Variants in PLCE1 observed in about 807,000 individuals in gnomAD.
PLCE1 encodes 1-phosphatidylinositol 4,5-bisphosphate phosphodiesterase epsilon-1.
A neutral mutation model predicts 242.8 loss-of-function variants in PLCE1; 119 were observed. That is an observed-to-expected ratio of 0.49 (90% CI 0.42 to 0.57). PLCE1 has a LOEUF of 0.57. Among genes scored for constraint, PLCE1 ranks in the 20% least tolerant of loss-of-function variants. The pLI is 0.00. For synonymous variants in PLCE1, 945 were observed against 1,017.4 expected, an observed-to-expected ratio of 0.93 and a Z score of 1.35; for missense variants, 2,441 against 2,788.8, an observed-to-expected ratio of 0.88 and a Z score of 2.81.
At chr10:94,229,679 A>G (rs1488145482) in intron 5 of PLCE1, among the ~76,000 whole-genome samples, 1 of 152,206 alleles carries the variant, frequency 6.6e-6, no homozygotes, top group Admixed American at 6.5e-5. Context: ...TTAAGATTCA[A>G]CTGAGTTTAA....
intron 4 of PLCE1, among the ~76,000 whole-genome samples, chr10:94,189,455 G>A (rs1025575722): frequency 3.3e-5 from 5 of 152,032 alleles, no homozygotes; most frequent in African/African-American, 1.2e-4. Context: ...GTGAGGGCTG[G>A]ACAGTTCTAA....
At chr10:94,126,748 A>T (rs1197255532) in intron 2 of PLCE1, among the ~76,000 whole-genome samples, 3 of 152,210 alleles carry the variant, frequency 2.0e-5, no homozygotes, top group Non-Finnish European at 4.4e-5. Flanking sequence ...ATAAATCTTC[A>T]CATAAAGGAA....
At chr10:94,027,592 T>C (rs192231869) in intron 1 of PLCE1, among the ~76,000 whole-genome samples, 1,682 of 152,156 alleles carry the variant, frequency 0.011, 33 homozygotes, top group African/African-American at 0.037. Flanking sequence ...GAAGCCAAGG[T>C]GGGCGGATCA....
At chr10:94,049,266 T>C (rs929125320) in intron 2 of PLCE1, among the ~76,000 whole-genome samples, 1 of 152,224 alleles carries the variant, frequency 6.6e-6, no homozygotes, top group Non-Finnish European at 1.5e-5. Context: ...TATTCACTTA[T>C]ATTTTCTGCT....
intron 32 of PLCE1, among the ~76,000 whole-genome samples, chr10:94,327,682 G>A (rs1189408835): frequency 6.6e-6 from 1 of 152,118 alleles, no homozygotes; most frequent in Non-Finnish European, 1.5e-5. Context: ...TTAGCTGAAG[G>A]AATTCCACCT....
At chr10:94,182,976 A>G (rs2048358641) in intron 4 of PLCE1, among the ~76,000 whole-genome samples, 1 of 152,230 alleles carries the variant, frequency 6.6e-6, no homozygotes, top group Non-Finnish European at 1.5e-5. Context: ...AATAATAAAC[A>G]TGACCCAGAG....
At position 94,275,700 on chromosome 10, in the gene PLCE1, G is replaced by A. The variant is rs184502352; in HGVS notation, c.4665+1980G>A. Among the ~76,000 whole-genome samples the A allele has an allele frequency of 1.7e-3, 266 of 152,232 alleles. 3 individuals carry two copies. The highest frequency in any genetic ancestry group is 0.01 in the Middle Eastern group (3 of 294). On this transcript the variant is annotated intron_variant, in intron 19 of 32. Transcript: ENST00000371380. The stretch of plus-strand genomic sequence containing the variant: ...AAAATATAAAAATTAGCTGGGCATG[G>A]TGGCATGTGCCTGTATTCCCAGCTA...
At chr10:94,028,631 T>C (rs1437363854) in intron 1 of PLCE1, among the ~76,000 whole-genome samples, 3 of 152,068 alleles carry the variant, frequency 2.0e-5, no homozygotes, top group East Asian at 3.9e-4. Context: ...TCTTGTAGTA[T>C]TGAGTGAGAA....
intron 3 of PLCE1, among the ~76,000 whole-genome samples, chr10:94,159,982 T>C (rs539623950): frequency 3.9e-5 from 6 of 152,214 alleles, no homozygotes; most frequent in Non-Finnish European, 8.8e-5. Context: ...TATTCCATGG[T>C]GTATATATGC....
intron 4 of PLCE1, among the ~76,000 whole-genome samples, chr10:94,196,644 AT>A (rs2048831703): frequency 6.6e-6 from 1 of 152,122 alleles, no homozygotes. Flanking sequence ...AAATTTAAAA[AT>A]AAAAAAAGAC....
chr10:94,060,808 TA>T (rs950659382), intron 2 of PLCE1, among the ~76,000 whole-genome samples: 3 of 151,698 alleles, frequency 2.0e-5, no homozygotes, highest in Admixed American at 2.0e-4. Context: ...GTAGTCCTCC[TA>T]CCTCATCTTC....
At chr10:94,114,858 G>C (rs1282952180) in intron 2 of PLCE1, among the ~76,000 whole-genome samples, 1 of 151,778 alleles carries the variant, frequency 6.6e-6, no homozygotes, top group Admixed American at 6.6e-5. Context: ...ATGTTGGTGT[G>C]CTGCACCCAT....
chr10:94,257,006 A>G (rs2132916118), intron 11 of PLCE1, among the ~76,000 whole-genome samples: 1 of 152,280 alleles, frequency 6.6e-6, no homozygotes, highest in South Asian at 2.1e-4. Context: ...TTTAGCTGCA[A>G]ATGATGAAGT....
intron 4 of PLCE1, among the ~76,000 whole-genome samples, chr10:94,211,063 C>CCAAGA (rs2049316177): frequency 6.6e-6 from 1 of 152,230 alleles, no homozygotes; most frequent in African/African-American, 2.4e-5. Flanking sequence ...CTCCGTTCAG[C>CCAAGA]CTGCTGAGAG....
At chr10:94,122,139 C>T (rs528568530) in intron 2 of PLCE1, among the ~76,000 whole-genome samples, 23 of 152,284 alleles carry the variant, frequency 1.5e-4, no homozygotes, top group African/African-American at 5.3e-4. Context: ...CACAGCTTAG[C>T]GAGAACATTA....
chr10:94,310,466 C>T (rs553891542), intron 27 of PLCE1, among the ~76,000 whole-genome samples: 1 of 152,264 alleles, frequency 6.6e-6, no homozygotes, highest in East Asian at 1.9e-4. Context: ...AGGTGGGCCC[C>T]AGGCATCAGT....
rs188884893 is a variant in PLCE1 at position 94,179,049 on chromosome 10, C to T, written c.1809+7553C>T. ...CCTCAGGGTAAGGGAAATTTCAGCTCACTTTGGAAAATCAAATTTTTCCTT... is the reference window on the plus strand; with the variant it reads ...CCTCAGGGTAAGGGAAATTTCAGCTTACTTTGGAAAATCAAATTTTTCCTT... On this transcript the variant is annotated intron_variant, in intron 4 of 32. Coordinates refer to ENST00000371380, the MANE Select transcript of PLCE1 (RefSeq NM_016341.4). Among the ~76,000 whole-genome samples, 4 of 152,308 alleles carry T rather than the reference C, an allele frequency of 2.6e-5. No homozygotes were observed. The East Asian group carries it at 7.7e-4, about 29-fold the overall frequency.
chr10:94,290,959 T>C (rs2052624985), intron 22 of PLCE1, among the ~76,000 whole-genome samples: 1 of 152,126 alleles, frequency 6.6e-6, no homozygotes, highest in African/African-American at 2.4e-5. Context: ...TGATAGGAAT[T>C]TCTCAGCTCC....
At chr10:94,247,426 C>T (rs1441960774) in intron 8 of PLCE1, among the ~76,000 whole-genome samples, 4 of 152,046 alleles carry the variant, frequency 2.6e-5, no homozygotes, top group Non-Finnish European at 4.4e-5. Context: ...TTTTCACTTA[C>T]TCAGGTTTCA....
Sources: gnomAD v4.1 joint callset for allele counts (sites outside exome capture counted in the v4.1 genomes callset) on GRCh38, gnomAD v4.1.1 for gene constraint, MANE v1.5 for transcripts, NCBI Gene and HGNC (gene_info 2026-07-23, HGNC 2026-07-21) for gene names.